SPAG16: variants seen among roughly 807,000 people sequenced by gnomAD.
The protein encoded by SPAG16 is sperm associated antigen 16.
Under a neutral mutation model 80.4 loss-of-function variants are expected in SPAG16, and 86 were observed. That is an observed-to-expected ratio of 1.07 (90% CI 0.90 to 1.28). SPAG16 has a LOEUF of 1.28. Ranked by LOEUF, SPAG16 falls within the 50% of genes most tolerant of loss-of-function variation. The pLI is 0.00. For missense variants in SPAG16, 870 were observed against 765.3 expected, an observed-to-expected ratio of 1.14 and a Z score of -1.61; for synonymous variants, 294 against 265.9, an observed-to-expected ratio of 1.11 and a Z score of -1.03.
intron 15 of SPAG16, among the ~76,000 whole-genome samples, chr2:214,276,147 G>A (rs1388131113): frequency 1.3e-5 from 2 of 152,092 alleles, no homozygotes; most frequent in Non-Finnish European, 2.9e-5. Flanking sequence ...CATTTGCTTG[G>A]TAGATCTTCC....
intron 11 of SPAG16, among the ~76,000 whole-genome samples, chr2:213,877,515 A>G (rs893215149): frequency 1.3e-5 from 2 of 152,128 alleles, no homozygotes; most frequent in African/African-American, 2.4e-5. Context: ...AGATCTCACT[A>G]TATTGTGCAA....
Position 214,215,327 on chromosome 2 carries a change from C to G in SPAG16, c.1720+66061C>G, listed in dbSNP as rs556800024. Among the ~76,000 whole-genome samples, 205 of 152,224 alleles carry G rather than the reference C, an allele frequency of 1.3e-3. 1 individual carries two copies. The highest frequency in any genetic ancestry group is 3.4e-3 in the Middle Eastern group (1 of 294). On this transcript the variant is annotated intron_variant, in intron 15 of 15. Coordinates refer to ENST00000331683, the MANE Select transcript of SPAG16 (RefSeq NM_024532.5). ...TCTGGCTCACCTCCAGGTGAGCCAGCATTCAGCTCCTCCCAAGAATAGAAT... is the reference window on the plus strand; with the variant it reads ...TCTGGCTCACCTCCAGGTGAGCCAGGATTCAGCTCCTCCCAAGAATAGAAT...
intron 10 of SPAG16, among the ~76,000 whole-genome samples, chr2:213,743,584 A>C (rs780597883): frequency 6.6e-6 from 1 of 152,124 alleles, no homozygotes; most frequent in Non-Finnish European, 1.5e-5. Flanking sequence ...CTGACACCTG[A>C]CTTCCATTAT....
rs923912109 is a variant in SPAG16, at chr2:213,757,603, A to G, written c.1071-104882A>G. Among the ~76,000 whole-genome samples the G allele has an allele frequency of 3.9e-5, 6 of 152,280 alleles. No homozygotes were observed. In the East Asian group the frequency reaches 1.2e-3, roughly 29 times the overall value. ...TAACTATTTTGGATTTTTGACATCTACTAAAGGCTTGCAACTTCTAGGGGA... is the reference window on the plus strand; with the variant it reads ...TAACTATTTTGGATTTTTGACATCTGCTAAAGGCTTGCAACTTCTAGGGGA... On this transcript the variant is annotated intron_variant, in intron 10 of 15. Coordinates refer to ENST00000331683, the MANE Select transcript of SPAG16 (RefSeq NM_024532.5).
At chr2:214,099,860 G>A (rs2052878834) in intron 13 of SPAG16, among the ~76,000 whole-genome samples, 1 of 152,052 alleles carries the variant, frequency 6.6e-6, no homozygotes, top group Non-Finnish European at 1.5e-5. Context: ...ATCGCAATCT[G>A]AATAACAATT....
At chr2:214,321,860 A>G (rs970165728) in intron 15 of SPAG16, among the ~76,000 whole-genome samples, 8 of 152,200 alleles carry the variant, frequency 5.3e-5, no homozygotes, top group African/African-American at 1.7e-4. Flanking sequence ...AAATAACTCC[A>G]CTTGTCCTTA....
chr2:213,420,101 A>T (rs1392876253), intron 9 of SPAG16, among the ~76,000 whole-genome samples: 2 of 152,240 alleles, frequency 1.3e-5, no homozygotes, highest in Non-Finnish European at 2.9e-5. Context: ...ATTTTCATTT[A>T]TACTGTATCT....
At chr2:213,930,767 C>T (rs1266466018) in intron 12 of SPAG16, among the ~76,000 whole-genome samples, 1 of 152,118 alleles carries the variant, frequency 6.6e-6, no homozygotes, top group East Asian at 1.9e-4. Flanking sequence ...TTTGGATGCT[C>T]ATTACCTTCT....
At chr2:213,401,614 T>G (rs1575489290) in intron 9 of SPAG16, among the ~76,000 whole-genome samples, 1 of 152,208 alleles carries the variant, frequency 6.6e-6, no homozygotes, top group East Asian at 1.9e-4. Flanking sequence ...CCCTTTATTT[T>G]CAACATTTCT....
chr2:213,619,925 C>A (rs547048400), intron 10 of SPAG16, among the ~76,000 whole-genome samples: 1 of 152,014 alleles, frequency 6.6e-6, no homozygotes, highest in Admixed American at 6.6e-5. Context: ...TGTCCATCAA[C>A]GGATGAATGG....
intron 9 of SPAG16, among the ~76,000 whole-genome samples, chr2:213,451,379 T>G (rs2071680284): frequency 6.6e-6 from 1 of 152,190 alleles, no homozygotes; most frequent in Non-Finnish European, 1.5e-5. Context: ...AGAACAGATC[T>G]TTCTTTTGAA....
At chr2:213,929,188 A>G (rs1037160991) in intron 11 of SPAG16, among the ~76,000 whole-genome samples, 20 of 151,154 alleles carry the variant, frequency 1.3e-4, no homozygotes, top group African/African-American at 4.6e-4. Context: ...TAGTTTTTGT[A>G]TTTTTAGTAG....
chr2:213,354,382 A>G (rs775222962), intron 7 of SPAG16, among the ~76,000 whole-genome samples: 2 of 152,188 alleles, frequency 1.3e-5, no homozygotes, highest in Non-Finnish European at 2.9e-5. Context: ...CATCATTTAT[A>G]ATAATTTGGG....
rs1467332018 is a variant in SPAG16 at position 213,842,824 on chromosome 2, TG to T, written c.1071-19659del. ...CTCTGTCACCCAGGATGGAGTGTAG[TG>T]GCAGCATCATAGCTCAATGTAACTT... On this transcript the variant is annotated intron_variant, in intron 10 of 15. Coordinates refer to ENST00000331683, the MANE Select transcript of SPAG16 (RefSeq NM_024532.5). Among the ~76,000 whole-genome samples the T allele has an allele frequency of 2.6e-5, 4 of 152,294 alleles. No individual in the cohort carries two copies. In the South Asian group the frequency reaches 8.3e-4, roughly 32 times the overall value.
At chr2:214,329,541 C>T (rs1430826184) in intron 15 of SPAG16, among the ~76,000 whole-genome samples, 1 of 152,134 alleles carries the variant, frequency 6.6e-6, no homozygotes, top group Admixed American at 6.5e-5. Context: ...TATTGAATGT[C>T]TTAAATCTGC....
intron 15 of SPAG16, among the ~76,000 whole-genome samples, chr2:214,279,867 A>G (rs938775421): frequency 2.6e-5 from 4 of 152,234 alleles, no homozygotes; most frequent in Admixed American, 6.5e-5. Flanking sequence ...CAGTCCCCAA[A>G]TATTTGAAAA....
At chr2:213,667,088 C>G (rs59926735) in intron 10 of SPAG16, among the ~76,000 whole-genome samples, 2,885 of 152,194 alleles carry the variant, frequency 0.019, 81 homozygotes, top group African/African-American at 0.065. Flanking sequence ...AAGTCATATT[C>G]TTCTTTTTGA....
intron 10 of SPAG16, among the ~76,000 whole-genome samples, chr2:213,669,670 T>A (rs927103911): frequency 6.6e-6 from 1 of 152,224 alleles, no homozygotes; most frequent in Admixed American, 6.5e-5. Flanking sequence ...GGTTTTCACA[T>A]TGGGAGTAAA....
At chr2:213,888,549 T>C (rs1439044980) in intron 11 of SPAG16, among the ~76,000 whole-genome samples, 1 of 151,638 alleles carries the variant, frequency 6.6e-6, no homozygotes, top group African/African-American at 2.4e-5. Flanking sequence ...TTATATATTA[T>C]ACATATTAAT....
Sources: gnomAD v4.1 joint callset for allele counts (sites outside exome capture counted in the v4.1 genomes callset) on GRCh38, gnomAD v4.1.1 for gene constraint, MANE v1.5 for transcripts, NCBI Gene and HGNC (gene_info 2026-07-23, HGNC 2026-07-21) for gene names.